The following ZNF215 variants were observed in gnomAD, a reference collection of about 807,000 sequenced individuals.
ZNF215 encodes BWSCR2-associated zinc finger protein 2.
ZNF215 carries 24 observed loss-of-function variants against 27.2 expected under a neutral mutation model. The observed-to-expected ratio is 0.88, with a 90% confidence interval of 0.64 to 1.24. The LOEUF (loss-of-function observed/expected upper bound fraction) is 1.24, where lower values mean the gene tolerates loss of function less well. Among genes scored for constraint, ZNF215 ranks in the 50% most tolerant of loss-of-function variants. ZNF215 has a pLI of 0.00. For synonymous variants in ZNF215, 210 were observed against 204.0 expected, an observed-to-expected ratio of 1.03 and a Z score of -0.25; for missense variants, 675 against 605.7, an observed-to-expected ratio of 1.11 and a Z score of -1.20.
At chr11:6,950,124 T>G (rs1332215033) in intron 6 of ZNF215, among the ~76,000 whole-genome samples, 2 of 151,588 alleles carry the variant, frequency 1.3e-5, no homozygotes, top group East Asian at 3.9e-4. Context: ...CATGCTGTTT[T>G]GGTTACTGTA....
rs765825529 is a variant in ZNF215 at position 6,932,516 on chromosome 11, C to T, written c.244C>T (p.His82Tyr). The change falls in exon 3 of 7, where the codon CAT becomes TAT. Residue 82 changes from histidine (H) to tyrosine (Y), a missense_variant. Transcript: ENST00000278319. Reference sequence around the variant, plus strand: ...TCTTCAATGGCTGAGACCAGAGATTCATACAAAGAAGCAGATTATAGAACT... The same window carrying T: ...TCTTCAATGGCTGAGACCAGAGATTTATACAAAGAAGCAGATTATAGAACT... ...LCLQWLRPEIHTKKQIIELLV... is the reference protein window; with the variant it reads ...LCLQWLRPEIYTKKQIIELLV... 6.2e-7 allele frequency: 1 copy of T among 1,614,014 alleles called. No homozygotes were observed. The highest frequency in any genetic ancestry group is 1.3e-5 in the African/African-American group (1 of 74,882).
chr11:6,994,020 G>T (rs1159536014), intron 6 of ZNF215, among the ~76,000 whole-genome samples: 1 of 152,022 alleles, frequency 6.6e-6, no homozygotes, highest in Non-Finnish European at 1.5e-5. Flanking sequence ...GTTTAAAATG[G>T]TCCCAAGTAT....
chr11:6,954,007 C>T (rs919849944), intron 6 of ZNF215, among the ~76,000 whole-genome samples: 4 of 152,226 alleles, frequency 2.6e-5, no homozygotes, highest in African/African-American at 9.6e-5. Flanking sequence ...CCACTCCAGA[C>T]CCTGTTTGCC....
At chr11:6,990,447 G>T (rs1488769445), downstream of ZNF215, among the ~76,000 whole-genome samples, 1 of 152,134 alleles carries the variant, frequency 6.6e-6, no homozygotes, top group Non-Finnish European at 1.5e-5. Context: ...CTATTTGCTT[G>T]TGCATGTATT....
At chr11:6,979,882 A>G (rs927789664) in intron 5 of ZNF215, among the ~76,000 whole-genome samples, 12 of 152,154 alleles carry the variant, frequency 7.9e-5, no homozygotes, top group Admixed American at 7.2e-4. Context: ...TATAAACGTG[A>G]TAGACTTACA....
chr11:6,990,796 A>C (rs1215407192), downstream of ZNF215, among the ~76,000 whole-genome samples: 2 of 29,232 alleles, frequency 6.8e-5, no homozygotes, highest in Non-Finnish European at 8.5e-5. Flanking sequence ...GACTTTGAAA[A>C]AGAAGGGTGA....
chr11:6,981,806 C>G (rs933431600), intron 5 of ZNF215, among the ~76,000 whole-genome samples: 9 of 151,912 alleles, frequency 5.9e-5, no homozygotes, highest in African/African-American at 2.2e-4. Flanking sequence ...GGAAGGGATC[C>G]AGTTTCAGCT....
intron 6 of ZNF215, among the ~76,000 whole-genome samples, chr11:6,949,943 C>T (rs1256023046): frequency 1.3e-5 from 2 of 152,066 alleles, no homozygotes; most frequent in African/African-American, 4.8e-5. Flanking sequence ...TTTCAGCTTT[C>T]TACATATGGC....
At chr11:6,993,527 CT>C (rs896750552), downstream of ZNF215, among the ~76,000 whole-genome samples, 1 of 151,914 alleles carries the variant, frequency 6.6e-6, no homozygotes, top group African/African-American at 2.4e-5. Flanking sequence ...TTTATACCCC[CT>C]CTCACTTACC....
intron 3 of ZNF215, among the ~76,000 whole-genome samples, chr11:6,934,260 A>C (rs889282079): frequency 1.3e-5 from 2 of 152,196 alleles, no homozygotes; most frequent in African/African-American, 4.8e-5. Flanking sequence ...ATGGTATAAC[A>C]AAAAGGTCAC....
chr11:6,980,878 T>C (rs892752792), intron 5 of ZNF215, among the ~76,000 whole-genome samples: 1 of 151,028 alleles, frequency 6.6e-6, no homozygotes, highest in African/African-American at 2.4e-5. Context: ...TTTGTTCTTG[T>C]GATAGTTTAC....
At chr11:6,946,843 T>C (rs1849831636) in intron 6 of ZNF215, among the ~76,000 whole-genome samples, 1 of 152,158 alleles carries the variant, frequency 6.6e-6, no homozygotes, top group Non-Finnish European at 1.5e-5. Context: ...GTGGTGCATA[T>C]AGGAATAAGA....
rs373277320 is a variant in ZNF215 at position 6,955,748 on chromosome 11, C to A, written c.771C>A (p.Thr257=). ...SSHGVIMTRL[T]ESGHPSSDAW... is the part of the protein sequence containing the mutation. Reference sequence around the variant, plus strand: ...ATGGAGTGATTATGACAAGGCTTACCGAAAGTGGACACCCTTCTTCAGATG... The same window carrying A: ...ATGGAGTGATTATGACAAGGCTTACAGAAAGTGGACACCCTTCTTCAGATG... The change falls in exon 7 of 7, where the codon ACC becomes ACA. Residue 257 remains threonine, a synonymous_variant. Transcript: ENST00000278319. The A allele has an allele frequency of 6.5e-5, 105 of 1,605,026 alleles. No homozygotes were observed. Among genetic ancestry groups the A allele is most frequent in the Non-Finnish European group, 8.5e-5 (100 of 1,177,434 alleles).
At position 6,957,853 on chromosome 11, in the gene ZNF215, G is replaced by A. The variant is rs1850426827; in HGVS notation, c.*1322G>A. The stretch of plus-strand genomic sequence containing the variant: ...CCTATACTCTGTACACCAGAACTGT[G>A]TCTTCTGTAAACTACCTCAGGATCC... On this transcript the variant is annotated 3_prime_UTR_variant, in exon 7 of 7. Transcript: ENST00000278319. The A allele has an allele frequency of 5.1e-6, 5 of 985,384 alleles. No individual in the cohort carries two copies. In the South Asian group the frequency reaches 1.9e-4, roughly 37 times the overall value. The allele number at this position is 985,384 out of a possible 1,614,324, so 61.0% of individuals were successfully genotyped here. A position where few individuals can be genotyped will look rare whatever the true frequency, so the allele number is the denominator to read the frequency against.
chr11:6,970,051 G>A (rs1353926279), intron 5 of ZNF215, among the ~76,000 whole-genome samples: 3 of 152,084 alleles, frequency 2.0e-5, no homozygotes, highest in Admixed American at 6.6e-5. Flanking sequence ...CATAGTGCTC[G>A]GATTACAAGC....
intron 6 of ZNF215, among the ~76,000 whole-genome samples, chr11:6,994,090 A>C (rs1008076092): frequency 6.6e-6 from 1 of 152,130 alleles, no homozygotes; most frequent in African/African-American, 2.4e-5. Flanking sequence ...ACCTTAGGAA[A>C]AAATACATGT....
At chr11:6,989,560 G>A (rs1222787461), downstream of ZNF215, among the ~76,000 whole-genome samples, 5 of 152,140 alleles carry the variant, frequency 3.3e-5, no homozygotes, top group Non-Finnish European at 7.4e-5. Flanking sequence ...TCCATCATAG[G>A]AGGGAAATGG....
chr11:6,959,035 C>G (rs1850461062), downstream of ZNF215, among the ~76,000 whole-genome samples: 1 of 152,174 alleles, frequency 6.6e-6, no homozygotes. Flanking sequence ...CACAGTCACA[C>G]TCGGGAACAA....
intron 3 of ZNF215, among the ~76,000 whole-genome samples, chr11:6,937,771 A>G (rs1447966056): frequency 6.6e-6 from 1 of 151,904 alleles, no homozygotes; most frequent in Non-Finnish European, 1.5e-5. Flanking sequence ...TTCAACAAAT[A>G]TTGCTGGGAC....
Sources: allele counts gnomAD v4.1 joint callset (sites outside exome capture counted in the v4.1 genomes callset), GRCh38; gene constraint gnomAD v4.1.1; transcripts MANE v1.5; gene names NCBI Gene and HGNC (gene_info 2026-07-23, HGNC 2026-07-21).